Variants in NSUN3 observed in about 807,000 individuals in gnomAD.
NSUN3 encodes the protein tRNA (cytosine(34)-C(5))-methyltransferase, mitochondrial.
NSUN3 carries 24 observed loss-of-function variants against 36.8 expected under a neutral mutation model. The observed-to-expected ratio is 0.65, with a 90% confidence interval of 0.47 to 0.92. The LOEUF is 0.92. NSUN3 is among the 40% of genes least tolerant of loss of function. NSUN3 has a pLI of 0.00. For synonymous variants in NSUN3, 146 were observed against 145.2 expected (o/e 1.01, Z -0.04); for missense variants, 381 against 392.8 (o/e 0.97, Z 0.25).
At chr3:94,090,536 A>G (rs1353561294) in intron 3 of NSUN3, among the ~76,000 whole-genome samples, 1 of 152,178 alleles carries the variant, frequency 6.6e-6, no homozygotes, top group Non-Finnish European at 1.5e-5. Context: ...GCACATACTA[A>G]ATGCAAGGTA....
intron 1 of NSUN3, among the ~76,000 whole-genome samples, chr3:94,063,575 A>C (rs1438053470): frequency 6.6e-6 from 1 of 152,142 alleles, no homozygotes; most frequent in Non-Finnish European, 1.5e-5. Context: ...CAGAGTTCTC[A>C]AATACCTTTC....
intron 3 of NSUN3, among the ~76,000 whole-genome samples, chr3:94,085,946 C>CTTTTTTTT (rs1249632543): frequency 7.2e-6 from 1 of 137,996 alleles, no homozygotes; most frequent in Non-Finnish European, 1.6e-5. Context: ...GCAGTGTTGC[C>CTTTTTTTT]TTTTTTTTTT....
intron 5 of NSUN3, among the ~76,000 whole-genome samples, chr3:94,101,204 G>C (rs1448671694): frequency 6.6e-6 from 1 of 151,872 alleles, no homozygotes; most frequent in African/African-American, 2.4e-5. Context: ...TATTCCCCAG[G>C]CTGGTCTCGA....
At chr3:94,063,426 G>C (rs1576077420) in intron 1 of NSUN3, 1 of 473,406 alleles carries the variant, frequency 2.1e-6, no homozygotes, top group East Asian at 3.1e-5. Context: ...TTAGAACAGT[G>C]TCTGTTACAT....
At chr3:94,094,353 C>A in intron 4 of NSUN3, 59 bp downstream of exon 4, 2 of 1,478,294 alleles carry the variant, frequency 1.4e-6, no homozygotes, top group South Asian at 1.3e-5. Flanking sequence ...TATTATGTTG[C>A]TTTGTGGTTG....
At chr3:94,086,224 G>T (rs186219184) in intron 3 of NSUN3, among the ~76,000 whole-genome samples, 64 of 152,302 alleles carry the variant, frequency 4.2e-4, no homozygotes, top group Non-Finnish European at 7.9e-4. Flanking sequence ...GAGCCACTGT[G>T]CCTGGCTGAC....
intron 3 of NSUN3, among the ~76,000 whole-genome samples, chr3:94,087,498 A>G (rs894768162): frequency 1.3e-5 from 2 of 152,196 alleles, no homozygotes; most frequent in African/African-American, 4.8e-5. Flanking sequence ...TGTTGTCAAC[A>G]TAGCCTTTTT....
chr3:94,117,499 G>T (rs556015728), intron 5 of NSUN3, among the ~76,000 whole-genome samples: 4 of 152,090 alleles, frequency 2.6e-5, no homozygotes, highest in Admixed American at 2.6e-4. Flanking sequence ...GTATTGTTTT[G>T]TTTTTAGCAG....
In NSUN3 at chr3:94,107,523, G is replaced by A. The variant is rs1339371217; in HGVS notation, c.743+12369G>A. On this transcript the variant is annotated intron_variant, in intron 5 of 5. Coordinates refer to ENST00000314622, the MANE Select transcript of NSUN3 (RefSeq NM_022072.5). ...GCTGGTCTCAAACTCCTGTACTCAA[G>A]TAATCCTCTTGCCTTGGCCTCTGAA... 2.0e-5 allele frequency among the ~76,000 whole-genome samples: 3 copies of A among 152,078 alleles called. No homozygotes were observed. In the East Asian group the frequency reaches 5.8e-4, roughly 29 times the overall value.
At chr3:94,097,390 T>C (rs1400770607) in intron 5 of NSUN3, among the ~76,000 whole-genome samples, 3 of 152,146 alleles carry the variant, frequency 2.0e-5, no homozygotes, top group African/African-American at 7.2e-5. Flanking sequence ...AAATATTTCT[T>C]AAGTCTTTTC....
chr3:94,069,634 AT>A (rs2077217585), intron 2 of NSUN3, among the ~76,000 whole-genome samples: 1 of 152,272 alleles, frequency 6.6e-6, no homozygotes, highest in South Asian at 2.1e-4. Flanking sequence ...AATGAAAATT[AT>A]ACTATCAAAT....
intron 2 of NSUN3, among the ~76,000 whole-genome samples, chr3:94,074,734 A>G (rs1405418083): frequency 1.3e-5 from 2 of 152,238 alleles, no homozygotes; most frequent in Non-Finnish European, 2.9e-5. Context: ...TAAATATACA[A>G]TCATGTCATC....
chr3:94,076,837 A>G, intron 2 of NSUN3: 1 of 1,583,606 alleles, frequency 6.3e-7, no homozygotes, highest in Non-Finnish European at 8.7e-7. Context: ...CAATTTTTCC[A>G]CTAACTGAAC....
chr3:94,094,966 T>C lies in NSUN3; in HGVS notation c.622-67T>C, dbSNP rs1456374264. On this transcript the variant is annotated intron_variant, in intron 4 of 5. Coordinates refer to ENST00000314622, the MANE Select transcript of NSUN3 (RefSeq NM_022072.5). ...TTTACCATGTTTTAGAGAACTTCTC[T>C]ATCTACTTCGTGCCTGAGAATAGAT... The C allele has an allele frequency of 3.9e-6, 6 of 1,540,644 alleles. No individual in the cohort carries two copies. The African/African-American group carries it at 8.2e-5, about 21-fold the overall frequency.
intron 5 of NSUN3, among the ~76,000 whole-genome samples, chr3:94,124,848 T>C (rs1243761364): frequency 6.6e-6 from 1 of 152,162 alleles, no homozygotes; most frequent in Non-Finnish European, 1.5e-5. Flanking sequence ...TGTTGAGATA[T>C]ACTTACCACC....
intron 2 of NSUN3, among the ~76,000 whole-genome samples, chr3:94,080,122 A>G (rs1257035831): frequency 2.6e-5 from 4 of 151,666 alleles, no homozygotes; most frequent in Non-Finnish European, 4.4e-5. Flanking sequence ...CTTTGAGTGG[A>G]TGTGCTATTC....
intron 5 of NSUN3, among the ~76,000 whole-genome samples, chr3:94,101,605 C>T (rs1360320801): frequency 1.3e-5 from 2 of 151,806 alleles, no homozygotes; most frequent in Non-Finnish European, 2.9e-5. Context: ...CACATCTGTC[C>T]CAAAGCTATT....
At chr3:94,104,785 A>T (rs920569998) in intron 5 of NSUN3, among the ~76,000 whole-genome samples, 63 of 152,190 alleles carry the variant, frequency 4.1e-4, no homozygotes, top group Non-Finnish European at 2.1e-4. Context: ...GCAATTGAGA[A>T]TAAATAATTA....
At chr3:94,123,859 T>A (rs1317448283) in intron 5 of NSUN3, among the ~76,000 whole-genome samples, 1 of 152,150 alleles carries the variant, frequency 6.6e-6, no homozygotes, top group Non-Finnish European at 1.5e-5. Flanking sequence ...AACTGTCCCA[T>A]TTAAAATTAT....
Sources: gnomAD v4.1 joint callset for allele counts (sites outside exome capture counted in the v4.1 genomes callset) on GRCh38, gnomAD v4.1.1 for gene constraint, MANE v1.5 for transcripts, NCBI Gene and HGNC (gene_info 2026-07-23, HGNC 2026-07-21) for gene names.